The following EIF2S1 variants were observed in gnomAD, a reference collection of about 807,000 sequenced individuals.
The protein encoded by EIF2S1 is eukaryotic translation initiation factor 2 subunit 1.
EIF2S1 carries 5 observed loss-of-function variants against 33.5 expected under a neutral mutation model. That is an observed-to-expected ratio of 0.15 (90% CI 0.08 to 0.31). The LOEUF is 0.31. Among genes scored for constraint, EIF2S1 ranks in the 10% least tolerant of loss-of-function variants. EIF2S1 has a pLI of 1.00. For synonymous variants in EIF2S1, 99 were observed against 127.5 expected, an observed-to-expected ratio of 0.78 and a Z score of 1.51; for missense variants, 191 against 384.6, an observed-to-expected ratio of 0.50 and a Z score of 4.21.
intron 2 of EIF2S1, among the ~76,000 whole-genome samples, chr14:67,365,749 T>TTC (rs1386993476): frequency 3.9e-5 from 6 of 152,376 alleles, no homozygotes; most frequent in African/African-American, 1.4e-4. Flanking sequence ...TCCGAAAGGC[T>TTC]TCATATCAGT....
At chr14:67,365,111 C>T in intron 2 of EIF2S1, 103 bp downstream of exon 2, 6 of 1,250,714 alleles carry the variant, frequency 4.8e-6, no homozygotes, top group Non-Finnish European at 6.4e-6. Context: ...AAAAAAAGCT[C>T]CTTTTATACT....
At chr14:67,377,815 C>G (rs983784751) in intron 4 of EIF2S1, among the ~76,000 whole-genome samples, 9 of 152,088 alleles carry the variant, frequency 5.9e-5, no homozygotes, top group African/African-American at 2.2e-4. Flanking sequence ...CTGCTTTTAA[C>G]AGCCACACTT....
intron 2 of EIF2S1, among the ~76,000 whole-genome samples, chr14:67,370,608 C>T (rs1003941369): frequency 1.3e-5 from 2 of 152,152 alleles, no homozygotes; most frequent in Admixed American, 1.3e-4. Context: ...CTCAACAAAT[C>T]AGGTGAAATT....
rs1438375799 is a variant in EIF2S1 at position 67,364,932 on chromosome 14, T to C, written c.165T>C (p.Arg55=). ...TTCTTAGTGAATTATCCAGAAGGCG[T>C]ATCCGTTCTATCAACAAACTCATCC... ...MILLSELSRR[R]IRSINKLIRI... Residue 55 remains arginine (R), a synonymous_variant, in exon 2 of 8, where the codon CGT becomes CGC. Coordinates refer to ENST00000256383, the MANE Select transcript of EIF2S1 (RefSeq NM_004094.5). 6.2e-7 allele frequency: 1 copy of C among 1,613,952 alleles called. No homozygotes were observed. The highest frequency in any genetic ancestry group is 1.3e-5 in the African/African-American group (1 of 74,926).
In EIF2S1 at chr14:67,380,638, T is replaced by C. The variant is rs201152432; in HGVS notation, c.474-21T>C. 7 of 1,362,316 alleles carry C rather than the reference T, an allele frequency of 5.1e-6. No individual in the cohort carries two copies. In the African/African-American group the frequency reaches 9.0e-5, roughly 18 times the overall value. 84.4% of individuals were successfully genotyped at this position (1,362,316 alleles called of 1,614,324 possible). ...GTAATATAACCTTGACCTTTTGTTA[T>C]TTATTTATGTTTTTGACCAGAGACC... On this transcript the variant is annotated intron_variant, in intron 4 of 7. Coordinates refer to ENST00000256383, the MANE Select transcript of EIF2S1 (RefSeq NM_004094.5).
intron 4 of EIF2S1, among the ~76,000 whole-genome samples, chr14:67,380,325 G>GT (rs140960599): frequency 0.035 from 5,206 of 149,372 alleles, 109 homozygotes; most frequent in East Asian, 0.06. Context: ...GTTTTTCCAT[G>GT]TTTTTTTTTT....
intron 2 of EIF2S1, among the ~76,000 whole-genome samples, chr14:67,368,359 A>G (rs1270815653): frequency 6.6e-6 from 1 of 152,204 alleles, no homozygotes; most frequent in Non-Finnish European, 1.5e-5. Context: ...GCTGCTCTGC[A>G]TAAGAAAGGC....
intron 6 of EIF2S1, 53 bp downstream of exon 6, chr14:67,381,743 G>GGATCTTT: frequency 8.0e-7 from 1 of 1,257,354 alleles, no homozygotes; most frequent in Non-Finnish European, 1.1e-6. Flanking sequence ...AAACCAAATA[G>GGATCTTT]GATCTTTGAT....
Position 67,383,474 on chromosome 14 carries a change from CAG to C in EIF2S1, c.*37_*38del. The C allele has an allele frequency of 6.2e-7, 1 of 1,609,296 alleles. No homozygotes were observed. The highest frequency in any genetic ancestry group is 1.1e-5 in the South Asian group (1 of 90,790). On this transcript the variant is annotated 3_prime_UTR_variant, in exon 8 of 8. Coordinates refer to ENST00000256383, the MANE Select transcript of EIF2S1 (RefSeq NM_004094.5). Reference sequence around the variant, plus strand: ...GAAACAGAGTCCAATTTAAGGAACACAGAGCAGCGCTTCCTGGCTGTAAATCC... The same window carrying C: ...GAAACAGAGTCCAATTTAAGGAACACAGCAGCGCTTCCTGGCTGTAAATCC...
At chr14:67,374,714 T>A in intron 3 of EIF2S1, 167 bp downstream of exon 3, 1 of 434,502 alleles carries the variant, frequency 2.3e-6, no homozygotes. Context: ...TAACTGTGGG[T>A]GACTTCAACT....
At position 67,386,212 on chromosome 14, in the gene EIF2S1, T is replaced by G. The variant is rs558065788; in HGVS notation, c.*2772T>G. The G allele has an allele frequency of 5.2e-5, 8 of 152,584 alleles. No homozygotes were observed. The highest frequency in any genetic ancestry group is 1.2e-4 in the Non-Finnish European group (8 of 68,026). The allele number at this position is 152,584 out of a possible 1,614,324, so 9.5% of individuals were successfully genotyped here. ...CATTAGACCTTGGTGAAATGCCAAATGGAAAATGGTGCTTTAAAAGGTAGT... is the reference window on the plus strand; with the variant it reads ...CATTAGACCTTGGTGAAATGCCAAAGGGAAAATGGTGCTTTAAAAGGTAGT... On this transcript the variant is annotated 3_prime_UTR_variant, in exon 8 of 8. Coordinates refer to ENST00000256383, the MANE Select transcript of EIF2S1 (RefSeq NM_004094.5).
intron 2 of EIF2S1, among the ~76,000 whole-genome samples, chr14:67,370,568 G>A (rs891839657): frequency 6.6e-6 from 1 of 152,128 alleles, no homozygotes; most frequent in African/African-American, 2.4e-5. Context: ...GCTAATAAGG[G>A]AATATCATTA....
chr14:67,373,030 C>T (rs1240009090), intron 2 of EIF2S1, among the ~76,000 whole-genome samples: 2 of 152,120 alleles, frequency 1.3e-5, no homozygotes, highest in East Asian at 3.8e-4. Context: ...AATAGATTGA[C>T]TTTTTAAAAA....
chr14:67,360,354 C>T lies in EIF2S1; in HGVS notation c.-104C>T. The T allele has an allele frequency of 5.0e-6, 2 of 397,100 alleles. No individual in the cohort carries two copies. Among genetic ancestry groups the T allele is most frequent in the Non-Finnish European group, 8.9e-6 (2 of 225,410 alleles). 24.6% of individuals were successfully genotyped at this position (397,100 alleles called of 1,614,324 possible). Reference sequence around the variant, plus strand: ...TGCGCGGTGGAGTGAGCGAAGCGCACGCTGAGGAGGATCGGCGGCCGGTGA... The same window carrying T: ...TGCGCGGTGGAGTGAGCGAAGCGCATGCTGAGGAGGATCGGCGGCCGGTGA... On this transcript the variant is annotated 5_prime_UTR_variant, in exon 1 of 8. In the 5' UTR this introduces an upstream ATG that the reference lacks. Coordinates refer to ENST00000256383, the MANE Select transcript of EIF2S1 (RefSeq NM_004094.5).
chr14:67,365,069 CA>C, intron 2 of EIF2S1, 61 bp downstream of exon 2: 1 of 1,468,998 alleles, frequency 6.8e-7, no homozygotes, highest in Non-Finnish European at 9.1e-7. Flanking sequence ...TTTAAAAATA[CA>C]TTTTTTGTAA....
chr14:67,381,726 C>A, intron 6 of EIF2S1, 36 bp downstream of exon 6: 1 of 1,395,108 alleles, frequency 7.2e-7, no homozygotes, highest in Non-Finnish European at 1.0e-6. Context: ...TGCTGAAATG[C>A]TCACCTAAAC....
chr14:67,372,499 A>G, intron 2 of EIF2S1, among the ~76,000 whole-genome samples: 1 of 152,206 alleles, frequency 6.6e-6, no homozygotes, highest in East Asian at 1.9e-4. Context: ...TAAAAAGACA[A>G]ACCAGCATAT....
intron 1 of EIF2S1, among the ~76,000 whole-genome samples, chr14:67,362,760 TTTAAG>T (rs1327161483): frequency 1.3e-5 from 2 of 152,082 alleles, no homozygotes; most frequent in African/African-American, 4.8e-5. Flanking sequence ...AAAAAAAAAA[TTTAAG>T]TTATTAGCAT....
chr14:67,362,359 C>T (rs891492379), intron 1 of EIF2S1, among the ~76,000 whole-genome samples: 3 of 152,040 alleles, frequency 2.0e-5, no homozygotes, highest in Admixed American at 1.3e-4. Flanking sequence ...GTGCTTAGTA[C>T]ATAGTAGCTA....
Sources: gnomAD v4.1 joint callset for allele counts (sites outside exome capture counted in the v4.1 genomes callset) on GRCh38, gnomAD v4.1.1 for gene constraint, MANE v1.5 for transcripts, NCBI Gene and HGNC (gene_info 2026-07-23, HGNC 2026-07-21) for gene names.